Variants in RFWD3 observed in about 807,000 individuals in gnomAD.
RFWD3 encodes the protein E3 ubiquitin-protein ligase RFWD3.
A neutral mutation model predicts 87.7 loss-of-function variants in RFWD3; 65 were observed. The ratio of observed to expected loss-of-function variants is 0.74; its 90% CI spans 0.61 to 0.91. The LOEUF is 0.91. Ranked by LOEUF, RFWD3 falls within the 40% of genes least tolerant of loss-of-function variation. RFWD3 has a pLI of 0.00. For synonymous variants in RFWD3, 433 were observed against 352.8 expected (o/e 1.23, Z -2.55); for missense variants, 1,078 against 938.5 (o/e 1.15, Z -1.94).
At chr16:74,625,126 G>A (rs530048805) in intron 12 of RFWD3, among the ~76,000 whole-genome samples, 2 of 152,064 alleles carry the variant, frequency 1.3e-5, no homozygotes, top group East Asian at 3.9e-4. Flanking sequence ...CTTGAACCCA[G>A]GAGGTGGAGG....
rs187222274 is a variant in RFWD3, at chr16:74,661,116, T to C, written c.334A>G (p.Ile112Val). 1 of 1,614,218 alleles carries C rather than the reference T, an allele frequency of 6.2e-7. No homozygotes were observed. Among genetic ancestry groups the C allele is most frequent in the Admixed American group, 1.7e-5 (1 of 60,026 alleles). The change falls in exon 2 of 13, where the codon ATC becomes GTC. Residue 112 changes from isoleucine to valine, a missense_variant. Coordinates refer to ENST00000361070, the MANE Select transcript of RFWD3 (RefSeq NM_018124.4). ...ATTGAATGCAACGAAGATGCTGGGA[T>C]GGTGTGATTACCATCAGATCCCTGC... ...HRQGSDGNHT[I>V]PASSLHSMTN...
intron 2 of RFWD3, among the ~76,000 whole-genome samples, chr16:74,656,898 A>T (rs960787926): frequency 2.6e-5 from 4 of 152,254 alleles, no homozygotes; most frequent in African/African-American, 9.6e-5. Flanking sequence ...CAGTTAAGAA[A>T]GTAACTGCAG....
intron 10 of RFWD3, among the ~76,000 whole-genome samples, chr16:74,630,311 G>A (rs956501961): frequency 6.6e-6 from 1 of 152,182 alleles, no homozygotes; most frequent in Non-Finnish European, 1.5e-5. Context: ...CGTTGGTCAG[G>A]CTGGTCTCGA....
chr16:74,634,260 G>C (rs1031488857), intron 8 of RFWD3, among the ~76,000 whole-genome samples: 5 of 152,196 alleles, frequency 3.3e-5, no homozygotes, highest in South Asian at 2.1e-4. Flanking sequence ...GACATTTCAA[G>C]TACCCACATT....
chr16:74,627,918 G>C (rs1160585592), intron 11 of RFWD3, among the ~76,000 whole-genome samples: 1 of 152,214 alleles, frequency 6.6e-6, no homozygotes, highest in East Asian at 1.9e-4. Context: ...CAGGAATTTA[G>C]ATTCATGCCG....
intron 12 of RFWD3, among the ~76,000 whole-genome samples, chr16:74,624,689 G>T (rs541395125): frequency 3.3e-5 from 5 of 152,124 alleles, no homozygotes; most frequent in African/African-American, 9.7e-5. Context: ...GAGCCACCGC[G>T]TCTGGCCTCT....
chr16:74,655,681 G>A (rs769689219), intron 2 of RFWD3, among the ~76,000 whole-genome samples: 3 of 151,124 alleles, frequency 2.0e-5, no homozygotes, highest in East Asian at 2.0e-4. Context: ...GTGCAGTGGC[G>A]CCTGGCTAAT....
chr16:74,647,357 G>A (rs1045321271), intron 4 of RFWD3, among the ~76,000 whole-genome samples: 10 of 151,722 alleles, frequency 6.6e-5, no homozygotes, highest in African/African-American at 1.9e-4. Context: ...GCACAATCTC[G>A]GCTCACCACA....
intron 6 of RFWD3, among the ~76,000 whole-genome samples, chr16:74,639,401 C>A (rs1044676235): frequency 6.6e-6 from 1 of 152,186 alleles, no homozygotes; most frequent in Non-Finnish European, 1.5e-5. Flanking sequence ...CCATTATAAT[C>A]TTATGGGGCC....
In RFWD3 at chr16:74,637,934, G is replaced by A. The variant is rs546646350; in HGVS notation, c.1116C>T (p.Ala372=). ...LLKEQMLRKQ[A]ELESAQCRLQ... is the part of the protein sequence containing the mutation. ...GTCGGCACTGTGCTGATTCTAACTCGGCCTGTTTCCTTAGCATCTGTTCCT... is the reference window on the plus strand; with the variant it reads ...GTCGGCACTGTGCTGATTCTAACTCAGCCTGTTTCCTTAGCATCTGTTCCT... Residue 372 remains alanine (A), a synonymous_variant, in exon 7 of 13, where the codon GCC becomes GCT. Coordinates refer to ENST00000361070, the MANE Select transcript of RFWD3 (RefSeq NM_018124.4). 2.1e-4 allele frequency: 332 copies of A among 1,612,134 alleles called. 6 individuals are homozygous for A. In the South Asian group the frequency reaches 3.4e-3, roughly 17 times the overall value.
intron 4 of RFWD3, among the ~76,000 whole-genome samples, chr16:74,645,327 A>C (rs1385037074): frequency 2.0e-5 from 3 of 152,260 alleles, no homozygotes; most frequent in South Asian, 2.1e-4. Flanking sequence ...TTGGCATAGC[A>C]ATCTCTCTGC....
intron 2 of RFWD3, among the ~76,000 whole-genome samples, chr16:74,660,289 AACAG>A (rs1181290700): frequency 6.6e-6 from 1 of 151,990 alleles, no homozygotes; most frequent in Non-Finnish European, 1.5e-5. Flanking sequence ...CAAAACCAAA[AACAG>A]ACAGGTTTAA....
chr16:74,642,916 A>T (rs1959785320), intron 6 of RFWD3, among the ~76,000 whole-genome samples: 1 of 152,228 alleles, frequency 6.6e-6, no homozygotes, highest in South Asian at 2.1e-4. Flanking sequence ...TTTTCTAATG[A>T]GGCTGGAGAG....
intron 6 of RFWD3, among the ~76,000 whole-genome samples, chr16:74,640,596 T>C (rs1195876144): frequency 6.6e-6 from 1 of 152,036 alleles, no homozygotes; most frequent in East Asian, 1.9e-4. Flanking sequence ...AGGAATCTGA[T>C]GGCGCCACTG....
intron 11 of RFWD3, 55 bp from the exon 12 acceptor site, chr16:74,626,609 C>T: frequency 2.1e-6 from 3 of 1,438,996 alleles, no homozygotes; most frequent in Non-Finnish European, 9.7e-7. Flanking sequence ...AAAAAATTAA[C>T]CAAGTACCCA....
intron 2 of RFWD3, among the ~76,000 whole-genome samples, chr16:74,659,987 C>T (rs562754606): frequency 1.3e-5 from 2 of 151,518 alleles, no homozygotes; most frequent in African/African-American, 4.8e-5. Flanking sequence ...CTGGGGAGGT[C>T]GAGGCTGCAG....
At chr16:74,626,227 G>T in intron 12 of RFWD3, 116 bp downstream of exon 12, 2 of 869,042 alleles carry the variant, frequency 2.3e-6, no homozygotes, top group South Asian at 1.5e-5. Context: ...GGATTACAGA[G>T]CAGAACTTAC....
intron 6 of RFWD3, 58 bp from the exon 7 acceptor site, chr16:74,638,028 T>C (rs941298250): frequency 1.7e-6 from 2 of 1,152,656 alleles, no homozygotes; most frequent in Non-Finnish European, 2.6e-6. Flanking sequence ...AGACTTCCCA[T>C]CCAGGTGGCA....
chr16:74,634,831 C>T (rs1324264154), intron 8 of RFWD3, among the ~76,000 whole-genome samples: 3 of 151,180 alleles, frequency 2.0e-5, no homozygotes, highest in Non-Finnish European at 4.4e-5. Context: ...GGAAGGGGGG[C>T]GCAGGTATAG....
Sources: allele counts gnomAD v4.1 joint callset (sites outside exome capture counted in the v4.1 genomes callset), GRCh38; gene constraint gnomAD v4.1.1; transcripts MANE v1.5; gene names NCBI Gene and HGNC (gene_info 2026-07-23, HGNC 2026-07-21).